FBXL7: variants seen among roughly 807,000 people sequenced by gnomAD.
The protein encoded by FBXL7 is F-box/LRR-repeat protein 7.
A neutral mutation model predicts 38.3 loss-of-function variants in FBXL7; 12 were observed. That is an observed-to-expected ratio of 0.31 (90% CI 0.20 to 0.51). The LOEUF is 0.51. FBXL7 is among the 20% of genes least tolerant of loss of function. FBXL7 has a pLI of 0.98. For synonymous variants in FBXL7, 297 were observed against 300.9 expected, an observed-to-expected ratio of 0.99 and a Z score of 0.13; for missense variants, 567 against 676.4, an observed-to-expected ratio of 0.84 and a Z score of 1.79.
intron 2 of FBXL7, among the ~76,000 whole-genome samples, chr5:15,884,533 C>T (rs549377318): frequency 6.6e-6 from 1 of 152,204 alleles, no homozygotes; most frequent in African/African-American, 2.4e-5. Context: ...TCCTTAGAGG[C>T]CTCATCTTTA....
At chr5:15,542,998 T>C (rs182695273) in intron 1 of FBXL7, among the ~76,000 whole-genome samples, 1 of 152,168 alleles carries the variant, frequency 6.6e-6, no homozygotes, top group African/African-American at 2.4e-5. Context: ...AATTTAAGGT[T>C]CCTGAGCAGT....
chr5:15,551,062 G>A (rs1738052086), intron 1 of FBXL7, among the ~76,000 whole-genome samples: 1 of 152,126 alleles, frequency 6.6e-6, no homozygotes, highest in African/African-American at 2.4e-5. Flanking sequence ...GGCGAATGAG[G>A]CAAAAAACCT....
chr5:15,921,674 A>C (rs929601841), intron 2 of FBXL7, among the ~76,000 whole-genome samples: 6 of 152,232 alleles, frequency 3.9e-5, no homozygotes, highest in African/African-American at 1.4e-4. Flanking sequence ...AATTTTAAAA[A>C]TGAGCAAAAG....
At chr5:15,642,538 C>T (rs1741402274) in intron 2 of FBXL7, among the ~76,000 whole-genome samples, 1 of 152,202 alleles carries the variant, frequency 6.6e-6, no homozygotes, top group East Asian at 1.9e-4. Flanking sequence ...ATGAAACCTG[C>T]TCTTCCTTAC....
chr5:15,844,232 T>C (rs1165831603), intron 2 of FBXL7, among the ~76,000 whole-genome samples: 2 of 152,152 alleles, frequency 1.3e-5, no homozygotes, highest in Non-Finnish European at 2.9e-5. Flanking sequence ...GCTTCAATCT[T>C]TTCCATTCAA....
intron 2 of FBXL7, among the ~76,000 whole-genome samples, chr5:15,817,911 T>G (rs1055221558): frequency 2.0e-4 from 31 of 152,124 alleles, no homozygotes; most frequent in Non-Finnish European, 4.3e-4. Flanking sequence ...CCTCAGATGT[T>G]TGTGCTTTCC....
At chr5:15,842,277 T>A (rs1323630915) in intron 2 of FBXL7, among the ~76,000 whole-genome samples, 1 of 152,210 alleles carries the variant, frequency 6.6e-6, no homozygotes, top group Non-Finnish European at 1.5e-5. Flanking sequence ...ACTTGAAGAT[T>A]TAATGACTGC....
rs1045318887 is a variant in FBXL7 at position 15,788,174 on chromosome 5, A to G, written c.128-139716A>G. ...TTTATTGGATGGAGGGCCCAACGCA[A>G]TGGAGTATGTCCTCATCTCAAGCTA... On this transcript the variant is annotated intron_variant, in intron 2 of 3. Coordinates refer to ENST00000504595, the MANE Select transcript of FBXL7 (RefSeq NM_012304.5). Among the ~76,000 whole-genome samples the G allele has an allele frequency of 6.6e-5, 10 of 152,122 alleles. 1 individual carries two copies. The highest frequency in any genetic ancestry group is 6.5e-4 in the Admixed American group (10 of 15,278).
chr5:15,634,951 T>C (rs1040255591), intron 2 of FBXL7, among the ~76,000 whole-genome samples: 23 of 152,152 alleles, frequency 1.5e-4, no homozygotes, highest in Admixed American at 1.2e-3. Context: ...CACCATCTCA[T>C]GATCTTGAAT....
At chr5:15,643,139 G>T (rs745638047) in intron 2 of FBXL7, among the ~76,000 whole-genome samples, 1 of 152,186 alleles carries the variant, frequency 6.6e-6, no homozygotes, top group Non-Finnish European at 1.5e-5. Flanking sequence ...CTCAAGTTAT[G>T]TAAATCTCAG....
intron 2 of FBXL7, among the ~76,000 whole-genome samples, chr5:15,918,879 G>A (rs930235720): frequency 2.6e-5 from 4 of 152,248 alleles, no homozygotes; most frequent in African/African-American, 9.6e-5. Context: ...CTCCCTCCAG[G>A]TGAAATGCAA....
chr5:15,893,113 C>G (rs1266297490), intron 2 of FBXL7, among the ~76,000 whole-genome samples: 1 of 141,130 alleles, frequency 7.1e-6, no homozygotes, highest in African/African-American at 2.7e-5. Flanking sequence ...GAGACTCTGT[C>G]TCAAAAAAAA....
At chr5:15,870,605 A>G (rs1201792887) in intron 2 of FBXL7, among the ~76,000 whole-genome samples, 2 of 152,196 alleles carry the variant, frequency 1.3e-5, no homozygotes, top group South Asian at 4.1e-4. Flanking sequence ...TTTGCTGGGT[A>G]TATTGACTAT....
At chr5:15,679,790 T>A (rs1167828464) in intron 2 of FBXL7, among the ~76,000 whole-genome samples, 1 of 152,200 alleles carries the variant, frequency 6.6e-6, no homozygotes. Context: ...CATGGAGAAC[T>A]TTGTACTAGT....
chr5:15,710,178 G>A (rs965766624), intron 2 of FBXL7, among the ~76,000 whole-genome samples: 2 of 152,132 alleles, frequency 1.3e-5, no homozygotes, highest in African/African-American at 2.4e-5. Context: ...GGGGTTCCCT[G>A]ATGCCTCAGA....
At chr5:15,888,736 C>T (rs1740784448) in intron 2 of FBXL7, among the ~76,000 whole-genome samples, 1 of 152,078 alleles carries the variant, frequency 6.6e-6, no homozygotes, top group South Asian at 2.1e-4. Flanking sequence ...TGCATATTTC[C>T]CTCTACTTTA....
At chr5:15,617,734 C>T (rs1284892712) in intron 2 of FBXL7, among the ~76,000 whole-genome samples, 2 of 152,126 alleles carry the variant, frequency 1.3e-5, no homozygotes, top group Admixed American at 1.3e-4. Context: ...CCACCATTCC[C>T]GACCTGACAT....
intron 2 of FBXL7, among the ~76,000 whole-genome samples, chr5:15,723,776 A>G (rs1279144476): frequency 6.6e-6 from 1 of 152,208 alleles, no homozygotes; most frequent in Non-Finnish European, 1.5e-5. Flanking sequence ...AAAATTTTGG[A>G]GAATTTAACA....
At position 15,682,648 on chromosome 5, in the gene FBXL7, A is replaced by T. The variant is rs534018982; in HGVS notation, c.127+66576A>T. Among the ~76,000 whole-genome samples the T allele has an allele frequency of 1.5e-3, 231 of 152,242 alleles. 1 individual carries two copies. The highest frequency in any genetic ancestry group is 5.4e-3 in the African/African-American group (224 of 41,550). On this transcript the variant is annotated intron_variant, in intron 2 of 3. Transcript: ENST00000504595. Reference sequence around the variant, plus strand: ...TAAAATCTTTATATCCAGGTAAAAAAGTCCAGCTGTATTGATCAAGGAGTA... The same window carrying T: ...TAAAATCTTTATATCCAGGTAAAAATGTCCAGCTGTATTGATCAAGGAGTA...
Sources: gnomAD v4.1 joint callset for allele counts (sites outside exome capture counted in the v4.1 genomes callset) on GRCh38, gnomAD v4.1.1 for gene constraint, MANE v1.5 for transcripts, NCBI Gene and HGNC (gene_info 2026-07-23, HGNC 2026-07-21) for gene names.